The following IL5RA variants were observed in gnomAD, a reference collection of about 807,000 sequenced individuals.
IL5RA encodes the protein interleukin 5 receptor subunit alpha, also known as interleukin-5 receptor subunit alpha.
In IL5RA, 49 loss-of-function variants were observed where a neutral mutation model predicts 50.0. That is an observed-to-expected ratio of 0.98 (90% confidence interval 0.78 to 1.24). IL5RA has a LOEUF of 1.24. Among genes scored for constraint, IL5RA ranks in the 50% most tolerant of loss-of-function variants. IL5RA has a pLI of 0.00. For synonymous variants in IL5RA, 202 were observed against 174.0 expected, an observed-to-expected ratio of 1.16 and a Z score of -1.26; for missense variants, 600 against 500.4, an observed-to-expected ratio of 1.20 and a Z score of -1.90.
chr3:3,092,077 T>C lies in IL5RA; in HGVS notation c.994+147A>G, dbSNP rs527672634. On this transcript the variant is annotated intron_variant, in intron 9 of 11. Coordinates refer to ENST00000446632, the MANE Select transcript of IL5RA (RefSeq NM_175726.4). The surrounding 1 kb of genome is among the most constrained non-coding windows in gnomAD (Gnocchi z 4.2). ...GGCTTCATGGCAAATCTATTCCTGA[T>C]TGAAAAGGCAGTAGACCGAGAGAAA... is the stretch of plus-strand genomic sequence containing the variant. 1 of 1,416,330 alleles carries C rather than the reference T, an allele frequency of 7.1e-7. No individual in the cohort carries two copies. The highest frequency in any genetic ancestry group is 3.1e-5 in the Admixed American group (1 of 32,520). 87.7% of individuals were successfully genotyped at this position (1,416,330 alleles called of 1,614,324 possible).
At chr3:3,084,160 G>T (rs773196978) in intron 9 of IL5RA, among the ~76,000 whole-genome samples, 1 of 152,110 alleles carries the variant, frequency 6.6e-6, no homozygotes, top group Non-Finnish European at 1.5e-5. Context: ...TATAAAACAG[G>T]GATAAGGATC....
rs749879080 is a variant in IL5RA at position 3,101,857 on chromosome 3, T to C, written c.229-27A>G. The C allele has an allele frequency of 4.4e-6, 7 of 1,602,206 alleles. No homozygotes were observed. In the South Asian group the frequency reaches 7.8e-5, roughly 18 times the overall value. The stretch of plus-strand genomic sequence containing the variant: ...TAAAAATAAAACCCACAAGTCATGA[T>C]ACATAAAAGAGAACTAGACTTAAGA... On this transcript the variant is annotated intron_variant, in intron 4 of 11. Transcript: ENST00000446632.
chr3:3,076,994 C>T (rs893914703), intron 9 of IL5RA, among the ~76,000 whole-genome samples: 11 of 152,050 alleles, frequency 7.2e-5, no homozygotes, highest in Non-Finnish European at 1.5e-4. Context: ...ATAGAAAATC[C>T]ACAAAAAGAT....
chr3:3,102,561 A>G, intron 4 of IL5RA, 114 bp downstream of exon 4: 1 of 708,622 alleles, frequency 1.4e-6, no homozygotes, highest in Non-Finnish European at 2.3e-6. Context: ...GTAACATAAC[A>G]TAGAGCCTGT....
In IL5RA at chr3:3,089,068, G is replaced by A. The variant is rs113571955; in HGVS notation, c.994+3156C>T. Among the ~76,000 whole-genome samples the A allele has an allele frequency of 2.1e-3, 316 of 152,226 alleles. 1 individual carries two copies. The highest frequency in any genetic ancestry group is 6.8e-3 in the Middle Eastern group (2 of 294). ...TGTGTGTGCTGGGTCAGTTTAGTTA[G>A]GTGGGGGCATCAACCTAGGGAGGAG... On this transcript the variant is annotated intron_variant, in intron 9 of 11. Transcript: ENST00000446632.
chr3:3,078,428 C>T (rs1702557996), intron 9 of IL5RA, among the ~76,000 whole-genome samples: 1 of 152,184 alleles, frequency 6.6e-6, no homozygotes, highest in African/African-American at 2.4e-5. Context: ...CATCTCTTCC[C>T]TTCTGCTTTC....
intron 7 of IL5RA, 64 bp from the exon 8 acceptor site, chr3:3,095,508 C>G: frequency 7.8e-7 from 1 of 1,285,742 alleles, no homozygotes; most frequent in Non-Finnish European, 1.1e-6. Flanking sequence ...GCTGATAATT[C>G]CAATCCACCC....
intron 9 of IL5RA, chr3:3,090,338 T>A (rs373060208): frequency 8.1e-5 from 81 of 994,434 alleles, no homozygotes; most frequent in Non-Finnish European, 1.1e-4. Flanking sequence ...GGGCTTTCTA[T>A]GTAAGGCTCC....
chr3:3,095,310 C>A lies in IL5RA; in HGVS notation c.844G>T (p.Gly282Ter), dbSNP rs1315122896. ...YEVKIHNTRN[G>*]YLQIEKLMTN... ...ATCTGAGTAATTACCTGCAAATATC[C>A]ATTCCTTGTATTGTGTATTTTTACT... Residue 282 changes from glycine to a stop codon, truncating the protein, a stop_gained, in exon 8 of 12, where the codon GGA (glycine) becomes TGA (stop). Coordinates refer to ENST00000446632, the MANE Select transcript of IL5RA (RefSeq NM_175726.4). LOFTEE classifies it high-confidence loss of function. The A allele has an allele frequency of 1.3e-6, 2 of 1,592,206 alleles. No homozygotes were observed. The highest frequency in any genetic ancestry group is 1.7e-5 in the Admixed American group (1 of 58,074).
In IL5RA at chr3:3,090,328, G is replaced by A. The variant is rs1703034023; in HGVS notation, c.994+1896C>T. ...CTTGTAAAGGCTGAATGTTAAACCT[G>A]GGCTTTCTATGTAAGGCTCCAGTCT... On this transcript the variant is annotated intron_variant, in intron 9 of 11. Coordinates refer to ENST00000446632, the MANE Select transcript of IL5RA (RefSeq NM_175726.4). 18 of 1,114,130 alleles carry A rather than the reference G, an allele frequency of 1.6e-5. No homozygotes were observed. In the South Asian group the frequency reaches 2.5e-4, roughly 15 times the overall value. The allele number at this position is 1,114,130 out of a possible 1,614,324, so 69.0% of individuals were successfully genotyped here.
intron 9 of IL5RA, chr3:3,091,989 A>C (rs1703133865): frequency 8.2e-7 from 1 of 1,220,828 alleles, no homozygotes; most frequent in South Asian, 4.1e-5. Context: ...TTGGAAAAAA[A>C]ACAGGCACCA....
Position 3,103,292 on chromosome 3 carries a change from T to C in IL5RA, c.83-472A>G, listed in dbSNP as rs534989883. Reference sequence around the variant, plus strand: ...ATTGAAATATGAACATGTTACTATATCACTATTCACTATAACCATAATTTT... The same window carrying C: ...ATTGAAATATGAACATGTTACTATACCACTATTCACTATAACCATAATTTT... On this transcript the variant is annotated intron_variant, in intron 3 of 11. Coordinates refer to ENST00000446632, the MANE Select transcript of IL5RA (RefSeq NM_175726.4). 5.9e-5 allele frequency among the ~76,000 whole-genome samples: 9 copies of C among 152,324 alleles called. No homozygotes were observed. In the South Asian group the frequency reaches 1.9e-3, roughly 32 times the overall value.
chr3:3,090,198 T>C (rs369993465), intron 9 of IL5RA: 12 of 1,611,434 alleles, frequency 7.4e-6, no homozygotes, highest in Non-Finnish European at 1.0e-5. Flanking sequence ...CTGTTGTTTT[T>C]ATTTCAGATA....
At chr3:3,080,046 G>C (rs1574980971) in intron 9 of IL5RA, among the ~76,000 whole-genome samples, 1 of 151,770 alleles carries the variant, frequency 6.6e-6, no homozygotes, top group Non-Finnish European at 1.5e-5. Flanking sequence ...AAAAAGAAAA[G>C]AAAAGAAAAC....
chr3:3,101,991 A>G (rs1425165978), intron 4 of IL5RA, among the ~76,000 whole-genome samples, 161 bp from the exon 5 acceptor site: 1 of 152,240 alleles, frequency 6.6e-6, no homozygotes, highest in African/African-American at 2.4e-5. Flanking sequence ...TTGTAATAAC[A>G]ACATAGTAAT....
At chr3:3,091,124 T>G (rs1015409313) in intron 9 of IL5RA, among the ~76,000 whole-genome samples, 1 of 152,232 alleles carries the variant, frequency 6.6e-6, no homozygotes, top group African/African-American at 2.4e-5. Context: ...CATGGACCTC[T>G]TTATACTCTA....
rs149504321 is a variant in IL5RA at position 3,096,372 on chromosome 3, C to T, written c.710-928G>A. On this transcript the variant is annotated intron_variant, in intron 7 of 11. Coordinates refer to ENST00000446632, the MANE Select transcript of IL5RA (RefSeq NM_175726.4). ...TAATGTCCTTTCCCTTGAGATCTCA[C>T]TTGATTGTCTTATGGTCCGGTGAGG... is the stretch of plus-strand genomic sequence containing the variant. Among the ~76,000 whole-genome samples the T allele has an allele frequency of 1.6e-4, 25 of 151,682 alleles. 1 individual carries two copies. The highest frequency in any genetic ancestry group is 5.6e-4 in the African/African-American group (23 of 41,340).
Position 3,097,920 on chromosome 3 carries a change from T to G in IL5RA, c.659A>C (p.Lys220Thr), listed in dbSNP as rs747098136. The G allele has an allele frequency of 1.4e-5, 22 of 1,614,208 alleles. No individual in the cohort carries two copies. The South Asian group carries it at 2.3e-4, about 17-fold the overall frequency. ...WLAVLVNGSS[K>T]HSAIRPFDQL... ...ATCAAAGGGCCTGATAGCAGAGTGC[T>G]TGCTGGAGCCGTTAACAAGCACCGC... Residue 220 changes from lysine (K) to threonine (T), a missense_variant, in exon 7 of 12, where the codon AAG becomes ACG. Physicochemically the swap from Lys to Thr is moderately conservative, Grantham distance 78. Coordinates refer to ENST00000446632, the MANE Select transcript of IL5RA (RefSeq NM_175726.4).
At position 3,070,186 on chromosome 3, in the gene IL5RA, A is replaced by G. The variant is rs763049666; in HGVS notation, c.*39T>C. 7.7e-7 allele frequency: 1 copy of G among 1,303,890 alleles called. No individual in the cohort carries two copies. Among genetic ancestry groups the G allele is most frequent in the Non-Finnish European group, 1.1e-6 (1 of 904,650 alleles). 80.8% of individuals were successfully genotyped at this position (1,303,890 alleles called of 1,614,324 possible). A position where few individuals can be genotyped will look rare whatever the true frequency, so the allele number is the denominator to read the frequency against. On this transcript the variant is annotated 3_prime_UTR_variant, in exon 12 of 12. Transcript: ENST00000446632. ...CCCTGTTCTTTTCACTGAGGCACTGAGGCATGTGTGAGTTCATCAGAGGAT... is the reference window on the plus strand; with the variant it reads ...CCCTGTTCTTTTCACTGAGGCACTGGGGCATGTGTGAGTTCATCAGAGGAT...
Sources: allele counts gnomAD v4.1 joint callset (sites outside exome capture counted in the v4.1 genomes callset), GRCh38; gene constraint gnomAD v4.1.1; non-coding constraint Gnocchi (gnomAD v3.1); transcripts MANE v1.5; gene names NCBI Gene and HGNC (gene_info 2026-07-23, HGNC 2026-07-21).